The following NAV3 variants were observed in gnomAD, a reference collection of about 807,000 sequenced individuals.
NAV3 encodes the protein pore membrane and/or filament interacting like protein 1.
In NAV3, 87 loss-of-function variants were observed where a neutral mutation model predicts 244.7. The ratio of observed to expected loss-of-function variants is 0.36; its 90% CI spans 0.30 to 0.42. The LOEUF (loss-of-function observed/expected upper bound fraction) is 0.42. Among genes scored for constraint, NAV3 ranks in the 20% least tolerant of loss-of-function variants. The probability of loss-of-function intolerance (pLI) is 1.00; values close to 1 mark genes in which losing one functional copy is unlikely to be tolerated. For missense variants in NAV3, 2,663 were observed against 2,893.3 expected (o/e 0.92, Z 1.83); for synonymous variants, 1,126 against 1,042.2 (o/e 1.08, Z -1.55).
chr12:77,578,900 G>A (rs1023261811), intron 2 of NAV3, among the ~76,000 whole-genome samples: 5 of 133,372 alleles, frequency 3.7e-5, no homozygotes, highest in African/African-American at 5.3e-5. Flanking sequence ...TATTCTATTC[G>A]TTAAAAAAAA....
At chr12:78,094,557 A>G (rs190600184) in intron 12 of NAV3, among the ~76,000 whole-genome samples, 1 of 152,358 alleles carries the variant, frequency 6.6e-6, no homozygotes, top group Non-Finnish European at 1.5e-5. Context: ...AATATCCTAA[A>G]GCATTTAACC....
At position 78,125,516 on chromosome 12, in the gene NAV3, T is replaced by C. The variant is rs117586920; in HGVS notation, c.4239-1651T>C. Among the ~76,000 whole-genome samples, 280 of 152,328 alleles carry C rather than the reference T, an allele frequency of 1.8e-3. 3 individuals are homozygous for C. In the East Asian group the frequency reaches 0.042, roughly 23 times the overall value. ...CTGACTCAACTAAATTTTTAAATAATTTGTAGTAACCAACTTTGCAAATTC... is the reference window on the plus strand; with the variant it reads ...CTGACTCAACTAAATTTTTAAATAACTTGTAGTAACCAACTTTGCAAATTC... On this transcript the variant is annotated intron_variant, in intron 16 of 39. Transcript: ENST00000397909.
chr12:77,903,647 A>G (rs529086696), intron 1 of NAV3, among the ~76,000 whole-genome samples: 2 of 152,344 alleles, frequency 1.3e-5, no homozygotes, highest in East Asian at 1.9e-4. Flanking sequence ...GACAAATGGG[A>G]CCTAATTAAA....
At chr12:77,600,357 C>G (rs952618801) in intron 2 of NAV3, among the ~76,000 whole-genome samples, 2 of 151,840 alleles carry the variant, frequency 1.3e-5, no homozygotes, top group East Asian at 2.0e-4. Context: ...CATCTCAACT[C>G]TCTCTCTTAC....
At chr12:78,188,835 G>T in intron 33 of NAV3, 58 bp downstream of exon 33, 2 of 1,515,198 alleles carry the variant, frequency 1.3e-6, no homozygotes, top group Non-Finnish European at 8.9e-7. Context: ...ATTTTATTCT[G>T]CCCCCCGCCC....
intron 24 of NAV3, among the ~76,000 whole-genome samples, chr12:78,169,202 C>A (rs1464609041): frequency 6.6e-6 from 1 of 151,570 alleles, no homozygotes; most frequent in African/African-American, 2.4e-5. Flanking sequence ...TATCTGACTT[C>A]AGGCAAAACA....
intron 2 of NAV3, among the ~76,000 whole-genome samples, chr12:77,640,157 A>G (rs577458604): frequency 2.6e-5 from 4 of 152,270 alleles, no homozygotes; most frequent in East Asian, 1.9e-4. Flanking sequence ...TTAAACTTCT[A>G]GAAAAGTAGA....
intron 2 of NAV3, among the ~76,000 whole-genome samples, chr12:77,719,774 G>T (rs1336715940): frequency 1.3e-5 from 2 of 152,018 alleles, no homozygotes; most frequent in Non-Finnish European, 2.9e-5. Flanking sequence ...TAATGTCTTT[G>T]TCTAGCCTTG....
At chr12:77,983,222 G>T (rs918982142) in intron 5 of NAV3, among the ~76,000 whole-genome samples, 1 of 152,168 alleles carries the variant, frequency 6.6e-6, no homozygotes, top group Non-Finnish European at 1.5e-5. Flanking sequence ...TTGCCCTGGT[G>T]ACAGGGTAGA....
intron 2 of NAV3, among the ~76,000 whole-genome samples, chr12:77,792,606 A>C (rs905924592): frequency 2.0e-5 from 3 of 152,186 alleles, no homozygotes; most frequent in African/African-American, 7.2e-5. Context: ...AAGACACAGG[A>C]TTCCTTCGAT....
At chr12:77,795,422 G>A (rs1188895004) in intron 2 of NAV3, among the ~76,000 whole-genome samples, 1 of 152,094 alleles carries the variant, frequency 6.6e-6, no homozygotes, top group African/African-American at 2.4e-5. Flanking sequence ...AAAAGTGCAA[G>A]GTGAAGCAGC....
At chr12:78,091,726 G>T (rs1436916674) in intron 12 of NAV3, 2 of 146,256 alleles carry the variant, frequency 1.4e-5, no homozygotes, top group East Asian at 4.0e-4. Context: ...AACCCGGGAG[G>T]CGGAGCTTGC....
chr12:78,025,595 C>CAA (rs1186694789), intron 9 of NAV3, among the ~76,000 whole-genome samples: 7,633 of 55,268 alleles, frequency 0.14, 1,241 homozygotes, highest in Non-Finnish European at 0.18. Context: ...GACTCCATCT[C>CAA]AAAAAAAAAA....
At chr12:78,070,596 C>T (rs1346111550) in intron 12 of NAV3, among the ~76,000 whole-genome samples, 2 of 151,614 alleles carry the variant, frequency 1.3e-5, no homozygotes, top group Non-Finnish European at 2.9e-5. Context: ...TACATGTGCA[C>T]ATTGTGCAGG....
chr12:78,032,560 C>T (rs1193277153), intron 9 of NAV3, among the ~76,000 whole-genome samples: 2 of 152,070 alleles, frequency 1.3e-5, no homozygotes, highest in East Asian at 3.8e-4. Context: ...TGTGAAGAAA[C>T]CTAGTTGTAT....
chr12:77,837,440 G>C (rs1457393424), intron 1 of NAV3, among the ~76,000 whole-genome samples: 1 of 152,072 alleles, frequency 6.6e-6, no homozygotes, highest in Non-Finnish European at 1.5e-5. Context: ...GAGAATGGCT[G>C]TATGTCAGGT....
intron 12 of NAV3, among the ~76,000 whole-genome samples, chr12:78,085,020 A>T (rs1162163790): frequency 6.6e-6 from 1 of 152,188 alleles, no homozygotes; most frequent in African/African-American, 2.4e-5. Context: ...AAGCATTGCC[A>T]TCATCAAAGG....
intron 12 of NAV3, among the ~76,000 whole-genome samples, chr12:78,078,562 A>AT (rs1352561224): frequency 3.3e-5 from 5 of 150,824 alleles, no homozygotes; most frequent in Non-Finnish European, 5.9e-5. Context: ...CGCCCGGCTA[A>AT]TTTTTTGTAT....
Position 77,769,126 on chromosome 12 carries a change from C to T in NAV3, c.73-171193C>T, listed in dbSNP as rs150694540. Among the ~76,000 whole-genome samples the T allele has an allele frequency of 2.0e-3, 308 of 152,250 alleles. 3 individuals are homozygous for T. The highest frequency in any genetic ancestry group is 7.2e-3 in the African/African-American group (300 of 41,534). The stretch of plus-strand genomic sequence containing the variant: ...GCATGGAAAGGTTCAGTAATTTGCT[C>T]AAGGTAACTTATATGGTAAATAGCT... On this transcript the variant is annotated intron_variant, in intron 2 of 8. Transcript: ENST00000550042.
Sources: allele counts gnomAD v4.1 joint callset (sites outside exome capture counted in the v4.1 genomes callset), GRCh38; gene constraint gnomAD v4.1.1; transcripts MANE v1.5; gene names NCBI Gene and HGNC (gene_info 2026-07-23, HGNC 2026-07-21).